CLINT1: variants seen among roughly 807,000 people sequenced by gnomAD.
CLINT1 encodes clathrin interactor 1, also known as clathrin interacting protein localized in the trans-Golgi region.
Under a neutral mutation model 70.4 loss-of-function variants are expected in CLINT1, and 15 were observed. The ratio of observed to expected loss-of-function variants is 0.21; its 90% CI spans 0.14 to 0.33. The LOEUF is 0.33. CLINT1 is among the 10% of genes least tolerant of loss of function. The pLI, the probability that CLINT1 is intolerant of heterozygous loss-of-function variation, is 1.00. For synonymous variants in CLINT1, 227 were observed against 254.7 expected, an observed-to-expected ratio of 0.89 and a Z score of 1.04; for missense variants, 615 against 778.1, an observed-to-expected ratio of 0.79 and a Z score of 2.49.
intron 1 of CLINT1, among the ~76,000 whole-genome samples, chr5:157,829,102 A>C (rs1763135242): frequency 3.3e-5 from 5 of 151,912 alleles, no homozygotes; most frequent in African/African-American, 7.3e-5. Flanking sequence ...ACTCTGCCTC[A>C]AACAACAACA....
chr5:157,836,385 T>C (rs75350086), intron 1 of CLINT1, among the ~76,000 whole-genome samples: 17,790 of 152,176 alleles, frequency 0.12, 1,308 homozygotes, highest in Non-Finnish European at 0.18. Context: ...TCTGATTCCA[T>C]AGATGAAGGT....
chr5:157,809,875 T>C (rs1762502703), intron 5 of CLINT1, 70 bp from the exon 6 acceptor site: 6 of 1,396,840 alleles, frequency 4.3e-6, no homozygotes, highest in Non-Finnish European at 5.9e-6. Flanking sequence ...CAAGTCCTTA[T>C]TTCTCAGGCT....
chr5:157,837,162 G>C (rs969541980), intron 1 of CLINT1, among the ~76,000 whole-genome samples: 1 of 152,132 alleles, frequency 6.6e-6, no homozygotes, highest in African/African-American at 2.4e-5. Context: ...AGCACTTTGG[G>C]AGGCTGAGGC....
intron 1 of CLINT1, among the ~76,000 whole-genome samples, chr5:157,846,530 G>A (rs1480111234): frequency 6.6e-6 from 1 of 152,230 alleles, no homozygotes; most frequent in Non-Finnish European, 1.5e-5. Flanking sequence ...GCCTCCATAA[G>A]AGAAAAATTT....
At chr5:157,812,153 A>G (rs546346941) in intron 5 of CLINT1, among the ~76,000 whole-genome samples, 20 of 152,292 alleles carry the variant, frequency 1.3e-4, no homozygotes, top group African/African-American at 4.8e-4. Context: ...GTGGGAAAGC[A>G]GAGGAATAAA....
chr5:157,857,262 T>C (rs1707294255), intron 1 of CLINT1, among the ~76,000 whole-genome samples: 1 of 151,840 alleles, frequency 6.6e-6, no homozygotes, highest in Non-Finnish European at 1.5e-5. Flanking sequence ...TAGTCTTCTT[T>C]TGGCCTTTAA....
chr5:157,797,112 A>ACAAGCACACATATTAAT (rs1219092819), intron 8 of CLINT1, among the ~76,000 whole-genome samples: 1 of 152,230 alleles, frequency 6.6e-6, no homozygotes, highest in Non-Finnish European at 1.5e-5. Context: ...AACCATTTAA[A>ACAAGCACACATATTAAT]CAAGCACACA....
chr5:157,851,189 CT>C (rs1350606036), intron 1 of CLINT1, among the ~76,000 whole-genome samples: 8 of 152,124 alleles, frequency 5.3e-5, no homozygotes, highest in Non-Finnish European at 8.8e-5. Flanking sequence ...CAATGCATGC[CT>C]TTTTTCTACT....
chr5:157,829,254 A>C (rs1561661324), intron 1 of CLINT1, among the ~76,000 whole-genome samples: 1 of 152,220 alleles, frequency 6.6e-6, no homozygotes, highest in Non-Finnish European at 1.5e-5. Context: ...ACTGGGAATG[A>C]CAGCCCCAAC....
At chr5:157,829,421 TCCAG>T (rs1258127307) in intron 1 of CLINT1, among the ~76,000 whole-genome samples, 1 of 152,212 alleles carries the variant, frequency 6.6e-6, no homozygotes. Context: ...AAAAAAGGGT[TCCAG>T]GGAAGGTCTG....
intron 8 of CLINT1, among the ~76,000 whole-genome samples, chr5:157,801,350 T>C (rs1762214394): frequency 6.6e-6 from 1 of 151,180 alleles, no homozygotes; most frequent in Non-Finnish European, 1.5e-5. Flanking sequence ...CTACTAAAAA[T>C]ACAAAAATCA....
intron 3 of CLINT1, among the ~76,000 whole-genome samples, chr5:157,816,074 T>C (rs1762714275): frequency 6.6e-6 from 1 of 152,164 alleles, no homozygotes; most frequent in Non-Finnish European, 1.5e-5. Context: ...CCTGAGGGAA[T>C]GACACTGAAT....
chr5:157,825,728 ATTAAG>A (rs1407033887), intron 1 of CLINT1, among the ~76,000 whole-genome samples: 1 of 152,178 alleles, frequency 6.6e-6, no homozygotes. Context: ...TAAAATTATA[ATTAAG>A]TTGTCAGAAA....
intron 8 of CLINT1, among the ~76,000 whole-genome samples, chr5:157,799,741 A>G (rs1484894838): frequency 1.3e-5 from 2 of 152,072 alleles, no homozygotes; most frequent in African/African-American, 4.8e-5. Context: ...GCATTAGGCA[A>G]TTTTGTCATT....
chr5:157,795,151 A>G, intron 8 of CLINT1, 179 bp from the exon 9 acceptor site: 3 of 601,406 alleles, frequency 5.0e-6, no homozygotes. Context: ...ATGAGCTACC[A>G]TAGACTCTTT....
At chr5:157,809,483 C>T (rs1329143329) in intron 6 of CLINT1, 145 bp downstream of exon 6, 25 of 577,726 alleles carry the variant, frequency 4.3e-5, no homozygotes, top group Non-Finnish European at 5.8e-5. Context: ...GCTCTAAAAA[C>T]AAATGAAGTC....
chr5:157,840,192 CAAAAAAAAA>C (rs57245921), intron 1 of CLINT1, among the ~76,000 whole-genome samples: 1 of 55,332 alleles, frequency 1.8e-5, no homozygotes, highest in African/African-American at 9.1e-5. Context: ...GAGACTGCCT[CAAAAAAAAA>C]AAAAAAAAAA....
intron 1 of CLINT1, among the ~76,000 whole-genome samples, chr5:157,827,511 A>C (rs1034729761): frequency 6.6e-6 from 1 of 152,166 alleles, no homozygotes; most frequent in African/African-American, 2.4e-5. Flanking sequence ...TCTGTCATTT[A>C]ATTCTTCTTC....
chr5:157,853,852 G>A (rs1188887853), intron 1 of CLINT1, among the ~76,000 whole-genome samples: 3 of 150,450 alleles, frequency 2.0e-5, no homozygotes, highest in Non-Finnish European at 4.4e-5. Flanking sequence ...AACATAAGAG[G>A]CAGTTAAGTG....
Sources: gnomAD v4.1 joint callset for allele counts (sites outside exome capture counted in the v4.1 genomes callset) on GRCh38, gnomAD v4.1.1 for gene constraint, MANE v1.5 for transcripts, NCBI Gene and HGNC (gene_info 2026-07-23, HGNC 2026-07-21) for gene names.